LAMC2: variants seen among roughly 807,000 people sequenced by gnomAD.
LAMC2 encodes the protein laminin subunit gamma-2.
LAMC2 carries 97 observed loss-of-function variants against 140.2 expected under a neutral mutation model. The observed-to-expected ratio is 0.69, with a 90% CI of 0.59 to 0.82. LAMC2 has a LOEUF of 0.82. Among genes scored for constraint, LAMC2 ranks in the 40% least tolerant of loss-of-function variants. The pLI, the probability that LAMC2 is intolerant of heterozygous loss-of-function variation, is 0.00. For synonymous variants in LAMC2, 513 were observed against 540.2 expected (o/e 0.95, Z 0.70); for missense variants, 1,402 against 1,476.1 (o/e 0.95, Z 0.82).
Position 183,243,277 on chromosome 1 carries a change from G to A in LAMC2, c.3459G>A (p.Arg1153=), listed in dbSNP as rs140649374. The A allele has an allele frequency of 1.9e-3, 3,070 of 1,614,178 alleles. 4 individuals carry two copies. Among genetic ancestry groups the A allele is most frequent in the Non-Finnish European group, 2.4e-3 (2,812 of 1,180,034 alleles). Residue 1153 remains arginine, a synonymous_variant, in exon 23 of 23, where the codon AGG becomes AGA. Coordinates refer to ENST00000264144, the MANE Select transcript of LAMC2 (RefSeq NM_005562.3). The part of the protein sequence containing the change: ...SELEERARQQ[R]GHLHLLETSI... ...TGGAAGAGAGGGCACGTCAGCAGAG[G>A]GGCCACCTCCATTTGCTGGAGACAA...
chr1:183,240,400 AC>A lies in LAMC2; in HGVS notation c.3328+12del. ...CCTCCTGCATCTGATGGGTATGTGA[AC>A]CCACAACCCACAACCTTCCAGCTCC... On this transcript the variant is annotated intron_variant, in intron 22 of 22. Coordinates refer to ENST00000264144, the MANE Select transcript of LAMC2 (RefSeq NM_005562.3). 1 of 1,614,056 alleles carries A rather than the reference AC, an allele frequency of 6.2e-7. No homozygotes were observed. The highest frequency in any genetic ancestry group is 8.5e-7 in the Non-Finnish European group (1 of 1,179,920).
At chr1:183,245,571 G>A (rs1417800258), downstream of LAMC2, among the ~76,000 whole-genome samples, 4 of 152,214 alleles carry the variant, frequency 2.6e-5, no homozygotes, top group African/African-American at 7.2e-5. Flanking sequence ...AAAAGAACAT[G>A]GAGGAAGGAT....
chr1:183,253,904 C>CGTGTGTGTGTGT, the LAMC2 span, among the ~76,000 whole-genome samples: 12 of 144,266 alleles, frequency 8.3e-5, no homozygotes, highest in Admixed American at 2.1e-4. Flanking sequence ...GTTCCACTTC[C>CGTGTGTGTGTGT]GTGTGTGTGT....
At chr1:183,197,938 T>C (rs905021977) in intron 1 of LAMC2, among the ~76,000 whole-genome samples, 3 of 151,602 alleles carry the variant, frequency 2.0e-5, no homozygotes, top group Non-Finnish European at 4.4e-5. Context: ...AAGCCTTGAA[T>C]AGGGAAGGTC....
the LAMC2 span, among the ~76,000 whole-genome samples, chr1:183,258,520 A>T: frequency 6.6e-6 from 1 of 152,214 alleles, no homozygotes; most frequent in Non-Finnish European, 1.5e-5. Flanking sequence ...GTTTGGGAGA[A>T]ACTTAGTTTA....
chr1:183,228,481 A>C lies in LAMC2; in HGVS notation c.1576A>C (p.Ser526Arg). 1 of 1,613,978 alleles carries C rather than the reference A, an allele frequency of 6.2e-7. No homozygotes were observed. The highest frequency in any genetic ancestry group is 8.5e-7 in the Non-Finnish European group (1 of 1,179,998). ...TCAATGCAACAACAATGTGGACCCCAGTGCCTCTGGGAATTGTGACCGGCT... is the reference window on the plus strand; with the variant it reads ...TCAATGCAACAACAATGTGGACCCCCGTGCCTCTGGGAATTGTGACCGGCT... ...PCQCNNNVDPSASGNCDRLTG... is the reference protein window; with the variant it reads ...PCQCNNNVDPRASGNCDRLTG... Residue 526 changes from serine (S) to arginine (R), a missense_variant, in exon 11 of 23, where the codon AGT becomes CGT. Physicochemically the swap from Ser to Arg is moderately radical, Grantham distance 110. This residue lies in a region of LAMC2 where 723 missense variants were observed against 783.3 expected (regional missense o/e 0.92). Coordinates refer to ENST00000264144, the MANE Select transcript of LAMC2 (RefSeq NM_005562.3). This position sits in a 1 kb window ranked among gnomAD's most constrained non-coding sequence, Gnocchi z 4.3.
intron 7 of LAMC2, among the ~76,000 whole-genome samples, chr1:183,225,039 G>A (rs565078012): frequency 6.9e-6 from 1 of 145,602 alleles, no homozygotes; most frequent in East Asian, 2.0e-4. Flanking sequence ...ACGAAGGTGG[G>A]TAGGGTTGTT....
chr1:183,188,884 G>T (rs1658238022), intron 1 of LAMC2, among the ~76,000 whole-genome samples: 1 of 152,212 alleles, frequency 6.6e-6, no homozygotes, highest in South Asian at 2.1e-4. Flanking sequence ...CAATATGCTT[G>T]TGAAGGGCTT....
chr1:183,217,352 CACAAACAAACAAACAA>C (rs112773271), intron 3 of LAMC2, among the ~76,000 whole-genome samples: 2 of 150,934 alleles, frequency 1.3e-5, no homozygotes, highest in Non-Finnish European at 2.9e-5. Context: ...AAAATCTTGC[CACAAACAAACAAACAA>C]ACAAACAAAC....
chr1:183,217,596 G>T (rs112078866), intron 3 of LAMC2, among the ~76,000 whole-genome samples: 2 of 152,300 alleles, frequency 1.3e-5, no homozygotes, highest in African/African-American at 4.8e-5. Flanking sequence ...TGACATAGAT[G>T]AACCTCAAAA....
At chr1:183,198,800 G>T (rs1305619545) in intron 1 of LAMC2, among the ~76,000 whole-genome samples, 1 of 152,192 alleles carries the variant, frequency 6.6e-6, no homozygotes, top group African/African-American at 2.4e-5. Context: ...AAGCATTGCA[G>T]CTCTGGGGTC....
At chr1:183,236,646 A>G (rs868276370) in intron 17 of LAMC2, 42 bp downstream of exon 17, 3 of 1,609,280 alleles carry the variant, frequency 1.9e-6, no homozygotes, top group African/African-American at 1.3e-5. Flanking sequence ...CAGGAGGGCC[A>G]TAAATACTTT....
At position 183,245,033 on chromosome 1, in the gene LAMC2, C is replaced by T. The variant is rs939766016; in HGVS notation, c.*1633C>T. ...TCAGTTCCCACTTCTGAGCATCTTACTTCGCCCATTCCAACCATACAGGAT... is the reference window on the plus strand; with the variant it reads ...TCAGTTCCCACTTCTGAGCATCTTATTTCGCCCATTCCAACCATACAGGAT... On this transcript the variant is annotated 3_prime_UTR_variant, in exon 23 of 23. Transcript: ENST00000264144. The T allele has an allele frequency of 2.0e-5, 3 of 152,212 alleles. No homozygotes were observed. Among genetic ancestry groups the T allele is most frequent in the African/African-American group, 4.8e-5 (2 of 41,452 alleles). The allele number at this position is 152,212 out of a possible 1,614,324, so 9.4% of individuals were successfully genotyped here. A position where few individuals can be genotyped will look rare whatever the true frequency, so the allele number is the denominator to read the frequency against.
At chr1:183,206,479 T>C (rs1658888526) in intron 1 of LAMC2, among the ~76,000 whole-genome samples, 1 of 152,006 alleles carries the variant, frequency 6.6e-6, no homozygotes, top group Non-Finnish European at 1.5e-5. Flanking sequence ...ACCCCATCTC[T>C]ACCAAAAATA....
At chr1:183,213,853 A>G (rs7548053) in intron 2 of LAMC2, among the ~76,000 whole-genome samples, 38,893 of 148,792 alleles carry the variant, frequency 0.26, 5,765 homozygotes, top group African/African-American at 0.4. Context: ...ATCACCTAAG[A>G]TTGGGAGTTC....
chr1:183,209,816 A>G (rs1214622068), intron 2 of LAMC2, among the ~76,000 whole-genome samples: 2 of 152,174 alleles, frequency 1.3e-5, no homozygotes, highest in Admixed American at 6.5e-5. Context: ...GATGGTAAAG[A>G]AGGATTTACC....
Position 183,186,306 on chromosome 1 carries a change from C to A in LAMC2, c.-47C>A, listed in dbSNP as rs1457386014. 6.4e-7 allele frequency: 1 copy of A among 1,552,864 alleles called. No homozygotes were observed. Among genetic ancestry groups the A allele is most frequent in the Non-Finnish European group, 8.7e-7 (1 of 1,155,048 alleles). On this transcript the variant is annotated 5_prime_UTR_variant, in exon 1 of 23. Transcript: ENST00000264144. ...GAGAACCACCAACCGAGGCGCCGGG[C>A]AGCGACCCCTGCAGCGGAGACAGAG...
intron 16 of LAMC2, among the ~76,000 whole-genome samples, chr1:183,236,073 A>G (rs1245025802): frequency 1.3e-5 from 2 of 152,120 alleles, no homozygotes; most frequent in Non-Finnish European, 2.9e-5. Context: ...AGAAGTGGGG[A>G]ATTTGGGATT....
the LAMC2 span, among the ~76,000 whole-genome samples, chr1:183,254,239 T>C: frequency 6.6e-6 from 1 of 152,184 alleles, no homozygotes; most frequent in African/African-American, 2.4e-5. Context: ...CACACCCTCA[T>C]CGACATTTGT....
Sources: gnomAD v4.1 joint callset for allele counts (sites outside exome capture counted in the v4.1 genomes callset) on GRCh38, gnomAD v4.1.1 for gene constraint, gnomAD v4.1.1 regional missense constraint, Gnocchi (gnomAD v3.1) non-coding constraint, MANE v1.5 for transcripts, NCBI Gene and HGNC (gene_info 2026-07-23, HGNC 2026-07-21) for gene names.